The following DNAJC21 variants were observed in gnomAD, a reference collection of about 807,000 sequenced individuals.
DNAJC21 encodes DnaJ heat shock protein family (Hsp40) member C21.
DNAJC21 carries 63 observed loss-of-function variants against 72.4 expected under a neutral mutation model. The ratio of observed to expected loss-of-function variants is 0.87; its 90% confidence interval spans 0.71 to 1.07. The LOEUF is 1.07. Ranked by LOEUF, DNAJC21 falls within the 50% of genes least tolerant of loss-of-function variation. The pLI is 0.00. For synonymous variants in DNAJC21, 203 were observed against 216.7 expected (o/e 0.94, Z 0.56); for missense variants, 634 against 644.8 (o/e 0.98, Z 0.18).
In DNAJC21 at chr5:34,954,888, C is replaced by A; in HGVS notation, c.*174C>A. 1.5e-6 allele frequency: 1 copy of A among 684,264 alleles called. No individual in the cohort carries two copies. The highest frequency in any genetic ancestry group is 2.2e-6 in the Non-Finnish European group (1 of 459,322). The allele number at this position is 684,264 out of a possible 1,614,324, so 42.4% of individuals were successfully genotyped here. A position where few individuals can be genotyped will look rare whatever the true frequency, so the allele number is the denominator to read the frequency against. On this transcript the variant is annotated 3_prime_UTR_variant, in exon 12 of 12. Transcript: ENST00000648817. ...TTTAATATATATTTTTAAAACATTT[C>A]ACTAGTGATTGAATTCTACTTTTGC...
chr5:34,929,728 A>T lies in DNAJC21; in HGVS notation c.-92A>T. 1 of 493,384 alleles carries T rather than the reference A, an allele frequency of 2.0e-6. No individual in the cohort carries two copies. Among genetic ancestry groups the T allele is most frequent in the Non-Finnish European group, 2.7e-6 (1 of 372,168 alleles). The allele number at this position is 493,384 out of a possible 1,614,324, so 30.6% of individuals were successfully genotyped here. ...GGGCGGCGGACTCCCGCCGGAGAGG[A>T]CTGCCAGCGCCGCCGCCGCCGCCGC... On this transcript the variant is annotated 5_prime_UTR_variant, in exon 1 of 12. Coordinates refer to ENST00000648817, the MANE Select transcript of DNAJC21 (RefSeq NM_001012339.3).
intron 2 of DNAJC21, among the ~76,000 whole-genome samples, chr5:34,934,140 A>G (rs1027903530): frequency 6.6e-6 from 1 of 152,176 alleles, no homozygotes; most frequent in East Asian, 1.9e-4. Context: ...GATATTATAT[A>G]GTTTTAATTT....
At chr5:34,942,788 G>A (rs1057372476) in intron 7 of DNAJC21, among the ~76,000 whole-genome samples, 1 of 152,046 alleles carries the variant, frequency 6.6e-6, no homozygotes, top group African/African-American at 2.4e-5. Context: ...GGTTATTCTC[G>A]CTGGGCGCAG....
chr5:34,954,851 A>T lies in DNAJC21; in HGVS notation c.*137A>T. The stretch of plus-strand genomic sequence containing the variant: ...GAAGATTATTTTTTATCTTGTAAAA[A>T]CACTTTTTTGGTTTAATATATATTT... On this transcript the variant is annotated 3_prime_UTR_variant, in exon 12 of 12. Coordinates refer to ENST00000648817, the MANE Select transcript of DNAJC21 (RefSeq NM_001012339.3). The T allele has an allele frequency of 9.4e-7, 1 of 1,062,188 alleles. No individual in the cohort carries two copies. Among genetic ancestry groups the T allele is most frequent in the Non-Finnish European group, 1.3e-6 (1 of 786,258 alleles). 65.8% of individuals were successfully genotyped at this position (1,062,188 alleles called of 1,614,324 possible). A position where few individuals can be genotyped will look rare whatever the true frequency, so the allele number is the denominator to read the frequency against.
Position 34,957,818 on chromosome 5 carries a change from CT to C in DNAJC21, c.*3108del, listed in dbSNP as rs1307594328. ...CTTCAACATAAAATAATGAAGAGAA[CT>C]TTTAAACTTTTTTATGAATTCCTAA... On this transcript the variant is annotated 3_prime_UTR_variant, in exon 12 of 12. Coordinates refer to ENST00000648817, the MANE Select transcript of DNAJC21 (RefSeq NM_001012339.3). 1.3e-5 allele frequency: 2 copies of C among 152,176 alleles called. No homozygotes were observed. The highest frequency in any genetic ancestry group is 2.4e-5 in the African/African-American group (1 of 41,452). The allele number at this position is 152,176 out of a possible 1,614,324, so 9.4% of individuals were successfully genotyped here. A position where few individuals can be genotyped will look rare whatever the true frequency, so the allele number is the denominator to read the frequency against.
chr5:34,940,656 C>T (rs1235153361), intron 6 of DNAJC21, among the ~76,000 whole-genome samples: 1 of 152,078 alleles, frequency 6.6e-6, no homozygotes, highest in African/African-American at 2.4e-5. Flanking sequence ...AACTTATGGC[C>T]TATCCGTCTT....
In DNAJC21 at chr5:34,956,294, A is replaced by G. The variant is rs978459029; in HGVS notation, c.*1580A>G. ...TCTTCTGTGTTATTGTCTTAAAAAT[A>G]AGCATTTGAACCTTAATTTAAATTC... On this transcript the variant is annotated 3_prime_UTR_variant, in exon 12 of 12. Coordinates refer to ENST00000648817, the MANE Select transcript of DNAJC21 (RefSeq NM_001012339.3). 6.6e-6 allele frequency: 1 copy of G among 152,594 alleles called. No homozygotes were observed. Among genetic ancestry groups the G allele is most frequent in the African/African-American group, 2.4e-5 (1 of 41,456 alleles). 9.5% of individuals were successfully genotyped at this position (152,594 alleles called of 1,614,324 possible).
chr5:34,958,527 C>T lies in DNAJC21; in HGVS notation c.*3813C>T, dbSNP rs1197327099. 1.3e-5 allele frequency: 2 copies of T among 152,064 alleles called. No individual in the cohort carries two copies. The highest frequency in any genetic ancestry group is 2.9e-5 in the Non-Finnish European group (2 of 68,022). 9.4% of individuals were successfully genotyped at this position (152,064 alleles called of 1,614,324 possible). On this transcript the variant is annotated 3_prime_UTR_variant, in exon 12 of 12. Coordinates refer to ENST00000648817, the MANE Select transcript of DNAJC21 (RefSeq NM_001012339.3). Reference sequence around the variant, plus strand: ...GGAAGGATTTCTTTAAAGCAAGACACAAAAGCATACACAGGAAAAAATGAT... The same window carrying T: ...GGAAGGATTTCTTTAAAGCAAGACATAAAAGCATACACAGGAAAAAATGAT...
In DNAJC21 at chr5:34,944,808, A is replaced by G. The variant is rs1765117465; in HGVS notation, c.984-59A>G. The G allele has an allele frequency of 5.0e-6, 8 of 1,595,256 alleles. No homozygotes were observed. The East Asian group carries it at 1.1e-4, about 22-fold the overall frequency. ...ATCTTGGTTGCAGTTATCCAGCAAC[A>G]TTATCTGGACACGTGAACTAATTTT... On this transcript the variant is annotated intron_variant, in intron 7 of 11. Coordinates refer to ENST00000648817, the MANE Select transcript of DNAJC21 (RefSeq NM_001012339.3).
At chr5:34,944,777 A>G in intron 7 of DNAJC21, 90 bp from the exon 8 acceptor site, 1 of 1,547,628 alleles carries the variant, frequency 6.5e-7, no homozygotes, top group South Asian at 1.2e-5. Flanking sequence ...GAAAAAAGCT[A>G]ATTTTATCTT....
In DNAJC21 at chr5:34,936,277, A is replaced by G; in HGVS notation, c.438+11A>G. The G allele has an allele frequency of 6.2e-7, 1 of 1,601,960 alleles. No individual in the cohort carries two copies. On this transcript the variant is annotated intron_variant, in intron 4 of 11. Transcript: ENST00000648817. The stretch of plus-strand genomic sequence containing the variant: ...AGTGACTATGATACGGTAAAATAAA[A>G]ATGCATTGTTCTATAATTAGTATTT...
Position 34,945,045 on chromosome 5 carries a change from G to A in DNAJC21, c.1142+20G>A, listed in dbSNP as rs374531610. ...ACAAAAGTACTTCTAAATATTAAATGTCACTAGAAATACTTATCACATTCA... is the reference window on the plus strand; with the variant it reads ...ACAAAAGTACTTCTAAATATTAAATATCACTAGAAATACTTATCACATTCA... On this transcript the variant is annotated intron_variant, in intron 8 of 11. Transcript: ENST00000648817. 6.8e-6 allele frequency: 11 copies of A among 1,607,652 alleles called. No homozygotes were observed. Among genetic ancestry groups the A allele is most frequent in the Non-Finnish European group, 8.5e-6 (10 of 1,178,060 alleles).
chr5:34,930,818 GA>G (rs1177696026), intron 1 of DNAJC21, among the ~76,000 whole-genome samples: 4 of 152,162 alleles, frequency 2.6e-5, no homozygotes, highest in Non-Finnish European at 4.4e-5. Flanking sequence ...GTCTTGTTAG[GA>G]AAACAACTTT....
chr5:34,949,385 A>C (rs1453758284), intron 9 of DNAJC21, among the ~76,000 whole-genome samples: 1 of 152,178 alleles, frequency 6.6e-6, no homozygotes, highest in African/African-American at 2.4e-5. Context: ...CCTGACAACT[A>C]AATGCAACAT....
rs1765124585 is a variant in DNAJC21 at position 34,944,954 on chromosome 5, A to C, written c.1071A>C (p.Ser357=). The C allele has an allele frequency of 1.2e-6, 2 of 1,614,258 alleles. No homozygotes were observed. Among genetic ancestry groups the C allele is most frequent in the Non-Finnish European group, 1.7e-6 (2 of 1,180,046 alleles). Residue 357 remains serine, a synonymous_variant, in exon 8 of 12, where the codon TCA becomes TCC. Coordinates refer to ENST00000648817, the MANE Select transcript of DNAJC21 (RefSeq NM_001012339.3). ...TGGAGGAGGAAGAAGAAAATTTTTCAAGACCTCAAATTGATGAAAATCCAT... is the reference window on the plus strand; with the variant it reads ...TGGAGGAGGAAGAAGAAAATTTTTCCAGACCTCAAATTGATGAAAATCCAT... ...QQLEEEEENF[S]RPQIDENPLD...
intron 9 of DNAJC21, among the ~76,000 whole-genome samples, chr5:34,946,447 C>G (rs183825499): frequency 6.6e-6 from 1 of 152,090 alleles, no homozygotes; most frequent in Non-Finnish European, 1.5e-5. Flanking sequence ...GTTATATTAA[C>G]TTACATTAAG....
At chr5:34,944,727 A>G (rs1008630261) in intron 7 of DNAJC21, 140 bp from the exon 8 acceptor site, 53 of 1,229,668 alleles carry the variant, frequency 4.3e-5, no homozygotes, top group Non-Finnish European at 5.8e-5. Flanking sequence ...ATAAAAAAAA[A>G]GAAAAAAATA....
At position 34,937,544 on chromosome 5, in the gene DNAJC21, G is replaced by C. The variant is rs77480286; in HGVS notation, c.657G>C (p.Ala219=). ...FIRKRDKRVQ[A]HRKLVEEQNA... ...GTAAAAGAGATAAAAGAGTGCAGGC[G>C]CATCGAAAACTTGTGGAAGAACAGA... Residue 219 remains alanine (A), a synonymous_variant, in exon 5 of 12, where the codon GCG becomes GCC. Coordinates refer to ENST00000648817, the MANE Select transcript of DNAJC21 (RefSeq NM_001012339.3). 6.2e-7 allele frequency: 1 copy of C among 1,613,998 alleles called. No homozygotes were observed. Among genetic ancestry groups the C allele is most frequent in the Non-Finnish European group, 8.5e-7 (1 of 1,179,908 alleles).
Position 34,935,853 on chromosome 5 carries a change from C to T in DNAJC21, c.315+20C>T. 1 of 1,613,160 alleles carries T rather than the reference C, an allele frequency of 6.2e-7. No homozygotes were observed. The highest frequency in any genetic ancestry group is 8.5e-7 in the Non-Finnish European group (1 of 1,179,426). ...GAAAAGGTAAGATAAATGAACTCAC[C>T]CTTGATTTCTCATCAAGTACTTCAT... On this transcript the variant is annotated intron_variant, in intron 3 of 11. Transcript: ENST00000648817.
Sources: gnomAD v4.1 joint callset for allele counts (sites outside exome capture counted in the v4.1 genomes callset) on GRCh38, gnomAD v4.1.1 for gene constraint, MANE v1.5 for transcripts, NCBI Gene and HGNC (gene_info 2026-07-23, HGNC 2026-07-21) for gene names.